The following MAP7 variants were observed in gnomAD, a reference collection of about 807,000 sequenced individuals.
The protein encoded by MAP7 is microtubule associated protein 7, also known as ensconsin.
A neutral mutation model predicts 94.8 loss-of-function variants in MAP7; 52 were observed. That is an observed-to-expected ratio of 0.55 (90% CI 0.44 to 0.69). The LOEUF (loss-of-function observed/expected upper bound fraction) is 0.69. Ranked by LOEUF, MAP7 falls within the 30% of genes least tolerant of loss-of-function variation. The pLI is 0.00. For synonymous variants in MAP7, 350 were observed against 357.0 expected (o/e 0.98, Z 0.22); for missense variants, 940 against 964.6 (o/e 0.97, Z 0.34).
At chr6:136,414,260 A>AAAAAAAAAAAAAAAAAAAAAAAAAC (rs1788580480) in intron 2 of MAP7, among the ~76,000 whole-genome samples, 1 of 131,262 alleles carries the variant, frequency 7.6e-6, no homozygotes, top group Non-Finnish European at 1.6e-5. Flanking sequence ...CTCAAAAAAA[A>AAAAAAAAAAAAAAAAAAAAAAAAAC]AAAAAAAAAA....
chr6:136,490,140 T>C (rs958685777), intron 1 of MAP7, among the ~76,000 whole-genome samples: 1 of 152,172 alleles, frequency 6.6e-6, no homozygotes, highest in Non-Finnish European at 1.5e-5. Context: ...TGGTTATTAT[T>C]AAGTTCTTTC....
At chr6:136,511,510 G>A (rs1177824054) in intron 1 of MAP7, among the ~76,000 whole-genome samples, 1 of 152,056 alleles carries the variant, frequency 6.6e-6, no homozygotes, top group Non-Finnish European at 1.5e-5. Context: ...AGGCAGTGCA[G>A]AGATAGTATT....
intron 7 of MAP7, among the ~76,000 whole-genome samples, chr6:136,376,364 G>A (rs933664400): frequency 6.6e-6 from 1 of 152,202 alleles, no homozygotes; most frequent in Non-Finnish European, 1.5e-5. Context: ...CTCCCAAAGT[G>A]CTGGGATTAC....
At chr6:136,520,673 T>C (rs192976165) in intron 1 of MAP7, among the ~76,000 whole-genome samples, 18 of 151,002 alleles carry the variant, frequency 1.2e-4, no homozygotes, top group African/African-American at 4.4e-4. Context: ...AGAGAGGAGG[T>C]TTCCTGCAGA....
intron 16 of MAP7, among the ~76,000 whole-genome samples, chr6:136,350,571 C>T (rs1018948155): frequency 1.3e-5 from 2 of 152,160 alleles, no homozygotes; most frequent in Admixed American, 6.5e-5. Context: ...ATAGGCTGGG[C>T]GTGGTGACTC....
intron 1 of MAP7, among the ~76,000 whole-genome samples, chr6:136,511,823 C>T (rs1188724112): frequency 6.6e-6 from 1 of 152,132 alleles, no homozygotes; most frequent in African/African-American, 2.4e-5. Flanking sequence ...AAAGAAAATA[C>T]TTATAATAAT....
At chr6:136,439,568 C>G (rs1044620896) in intron 1 of MAP7, among the ~76,000 whole-genome samples, 4 of 152,188 alleles carry the variant, frequency 2.6e-5, no homozygotes, top group Non-Finnish European at 5.9e-5. Context: ...CGCCACACTG[C>G]TCCTATATTC....
chr6:136,542,206 A>G (rs1829379979), intron 1 of MAP7, among the ~76,000 whole-genome samples: 1 of 152,246 alleles, frequency 6.6e-6, no homozygotes, highest in African/African-American at 2.4e-5. Flanking sequence ...TAAATGTGTC[A>G]ACAACCGTAA....
At chr6:136,457,241 C>T (rs547327998) in intron 1 of MAP7, among the ~76,000 whole-genome samples, 22 of 150,566 alleles carry the variant, frequency 1.5e-4, no homozygotes, top group African/African-American at 4.6e-4. Context: ...AACCTACTAA[C>T]ATTGAATCAT....
intron 16 of MAP7, 21 bp downstream of exon 16, chr6:136,356,671 T>C (rs751795272): frequency 1.9e-6 from 3 of 1,579,494 alleles, no homozygotes; most frequent in Non-Finnish European, 2.6e-6. Flanking sequence ...TTTACTTTAA[T>C]GAATGTCAGT....
chr6:136,427,079 C>T (rs953063888), intron 1 of MAP7, among the ~76,000 whole-genome samples: 4 of 152,180 alleles, frequency 2.6e-5, no homozygotes, highest in Non-Finnish European at 4.4e-5. Flanking sequence ...TTGACCATTA[C>T]GTGGTAAAAA....
chr6:136,541,825 G>C (rs554076919), intron 1 of MAP7, among the ~76,000 whole-genome samples: 1 of 152,306 alleles, frequency 6.6e-6, no homozygotes, highest in African/African-American at 2.4e-5. Flanking sequence ...TTAGGAGGCT[G>C]AGTTGGGCAG....
chr6:136,436,069 A>G (rs890544487), intron 1 of MAP7, among the ~76,000 whole-genome samples: 4 of 152,210 alleles, frequency 2.6e-5, no homozygotes, highest in Admixed American at 6.5e-5. Flanking sequence ...GAGAATTATT[A>G]TTTTAAAAAA....
intron 1 of MAP7, among the ~76,000 whole-genome samples, chr6:136,434,671 T>A (rs1257057103): frequency 6.6e-6 from 1 of 151,714 alleles, no homozygotes; most frequent in African/African-American, 2.4e-5. Context: ...GGATCTCAAA[T>A]TTTGGAACCT....
chr6:136,368,048 T>C (rs1004131171), intron 8 of MAP7, among the ~76,000 whole-genome samples: 16 of 152,128 alleles, frequency 1.1e-4, no homozygotes, highest in African/African-American at 3.9e-4. Context: ...AATGAACCTA[T>C]ATAAAGGTAT....
At chr6:136,524,542 A>T (rs1037143046) in intron 1 of MAP7, among the ~76,000 whole-genome samples, 1 of 152,198 alleles carries the variant, frequency 6.6e-6, no homozygotes, top group Admixed American at 6.5e-5. Flanking sequence ...TCATAGCATC[A>T]TTTGATTTCT....
At chr6:136,547,045 C>G (rs950127528) in intron 1 of MAP7, among the ~76,000 whole-genome samples, 1 of 152,192 alleles carries the variant, frequency 6.6e-6, no homozygotes, top group African/African-American at 2.4e-5. Context: ...GCATCTCTTT[C>G]AAAGGGGACA....
chr6:136,402,905 C>CAAAAAAAAAAAAA (rs57114676), intron 3 of MAP7, among the ~76,000 whole-genome samples: 14 of 67,396 alleles, frequency 2.1e-4, no homozygotes, highest in East Asian at 5.6e-4. Flanking sequence ...GACTCTGTCT[C>CAAAAAAAAAAAAA]AAAAAAAAAA....
At chr6:136,424,110 T>G (rs1385927052) in intron 1 of MAP7, among the ~76,000 whole-genome samples, 1 of 151,714 alleles carries the variant, frequency 6.6e-6, no homozygotes, top group Admixed American at 6.6e-5. Context: ...GAGTTTTTTG[T>G]TTTTTTTAAA....
Sources: allele counts gnomAD v4.1 joint callset (sites outside exome capture counted in the v4.1 genomes callset), GRCh38; gene constraint gnomAD v4.1.1; transcripts MANE v1.5; gene names NCBI Gene and HGNC (gene_info 2026-07-23, HGNC 2026-07-21).